CUL3: variants seen among roughly 807,000 people sequenced by gnomAD.
CUL3 encodes cullin 3.
A neutral mutation model predicts 89.1 loss-of-function variants in CUL3; 19 were observed. That is an observed-to-expected ratio of 0.21 (90% CI 0.15 to 0.31). The LOEUF is 0.31. CUL3 is among the 10% of genes least tolerant of loss of function. The pLI is 1.00. For missense variants in CUL3, 469 were observed against 942.3 expected, an observed-to-expected ratio of 0.50 and a Z score of 6.58; for synonymous variants, 351 against 308.4, an observed-to-expected ratio of 1.14 and a Z score of -1.45.
intron 2 of CUL3, among the ~76,000 whole-genome samples, chr2:224,546,875 AT>A (rs1339390944): frequency 1.3e-5 from 2 of 151,920 alleles, no homozygotes; most frequent in African/African-American, 4.8e-5. Flanking sequence ...CTCTCTAATA[AT>A]CCCTTTTCCA....
intron 1 of CUL3, among the ~76,000 whole-genome samples, chr2:224,572,734 CAG>C (rs762175062): frequency 6.6e-6 from 1 of 151,268 alleles, no homozygotes; most frequent in African/African-American, 2.4e-5. Context: ...AGGAGGCTGA[CAG>C]AGAGTTTATT....
chr2:224,510,907 A>G (rs894372995), intron 6 of CUL3, among the ~76,000 whole-genome samples: 2 of 152,174 alleles, frequency 1.3e-5, no homozygotes, highest in Admixed American at 6.5e-5. Context: ...ATATTTTTGC[A>G]TTTTCAGCAC....
intron 13 of CUL3, among the ~76,000 whole-genome samples, chr2:224,491,179 T>C (rs1691962036): frequency 6.6e-6 from 1 of 152,220 alleles, no homozygotes; most frequent in South Asian, 2.1e-4. Context: ...ATATATATTT[T>C]GGACATTTCA....
At chr2:224,539,761 G>C (rs1441305460) in intron 2 of CUL3, among the ~76,000 whole-genome samples, 1 of 149,836 alleles carries the variant, frequency 6.7e-6, no homozygotes, top group African/African-American at 2.5e-5. Flanking sequence ...CAAAACTAAA[G>C]AGAGAGCAAA....
intron 13 of CUL3, 188 bp downstream of exon 13, chr2:224,495,644 G>T: frequency 2.3e-6 from 1 of 438,538 alleles, no homozygotes; most frequent in Non-Finnish European, 4.0e-6. Context: ...CTTCTATAAA[G>T]TTAATTTAAA....
chr2:224,498,008 T>TTTCTATAGGCAAGACCTTGAGAGAGTCC (rs1162367615), intron 11 of CUL3, among the ~76,000 whole-genome samples, 159 bp from the exon 12 acceptor site: 2 of 152,182 alleles, frequency 1.3e-5, no homozygotes, highest in Non-Finnish European at 2.9e-5. Flanking sequence ...CAGTTTCAAC[T>TTTCTATAGGCAAGACCTTGAGAGAGTCC]TTCTATAGGC....
At chr2:224,478,021 T>C (rs572493986) in intron 15 of CUL3, among the ~76,000 whole-genome samples, 179 bp downstream of exon 15, 2 of 152,346 alleles carry the variant, frequency 1.3e-5, no homozygotes, top group East Asian at 3.9e-4. Flanking sequence ...TCCGAGAGTG[T>C]GCACATATTT....
intron 1 of CUL3, among the ~76,000 whole-genome samples, chr2:224,576,626 G>A (rs1464781522): frequency 1.5e-5 from 2 of 135,876 alleles, no homozygotes; most frequent in African/African-American, 2.7e-5. Context: ...GGTTCAAAAC[G>A]ATGTCTGGCA....
chr2:224,479,613 T>C (rs917323156), intron 14 of CUL3: 8 of 152,136 alleles, frequency 5.3e-5, no homozygotes, highest in Non-Finnish European at 1.0e-4. Flanking sequence ...TTCTTGGATA[T>C]GATATAGGAG....
chr2:224,522,663 T>C (rs1693311394), intron 3 of CUL3, among the ~76,000 whole-genome samples: 1 of 151,790 alleles, frequency 6.6e-6, no homozygotes, highest in Non-Finnish European at 1.5e-5. Flanking sequence ...CCATCTCTAC[T>C]AAAAAATACA....
chr2:224,558,313 G>A (rs1179862991), intron 1 of CUL3, among the ~76,000 whole-genome samples: 3 of 152,004 alleles, frequency 2.0e-5, no homozygotes, highest in Non-Finnish European at 4.4e-5. Context: ...AACCACTAAC[G>A]TTAAGTGCAG....
chr2:224,506,482 C>G (rs1692606015), intron 7 of CUL3, among the ~76,000 whole-genome samples: 1 of 152,094 alleles, frequency 6.6e-6, no homozygotes. Context: ...AAACATGGCA[C>G]ATAATTTATT....
At chr2:224,489,981 C>A (rs1043718071) in intron 13 of CUL3, among the ~76,000 whole-genome samples, 1 of 152,166 alleles carries the variant, frequency 6.6e-6, no homozygotes, top group Non-Finnish European at 1.5e-5. Flanking sequence ...TATCCAGAAT[C>A]TACAAGGAAC....
Position 224,585,327 on chromosome 2 carries a change from G to T in CUL3, c.-318C>A, listed in dbSNP as rs879069469. ...CGCGATGGCGGCGGCGGCGGCGACG[G>T]ACAAACATCTCACTGCGCAGGCCGA... On this transcript the variant is annotated 5_prime_UTR_variant, in exon 1 of 16. Transcript: ENST00000264414. 3 of 402,390 alleles carry T rather than the reference G, an allele frequency of 7.5e-6. No individual in the cohort carries two copies. Among genetic ancestry groups the T allele is most frequent in the Non-Finnish European group, 1.3e-5 (3 of 229,550 alleles). The allele number at this position is 402,390 out of a possible 1,614,324, so 24.9% of individuals were successfully genotyped here. A position where few individuals can be genotyped will look rare whatever the true frequency, so the allele number is the denominator to read the frequency against.
At chr2:224,577,538 C>A (rs1695330434) in intron 1 of CUL3, among the ~76,000 whole-genome samples, 1 of 149,824 alleles carries the variant, frequency 6.7e-6, no homozygotes, top group African/African-American at 2.5e-5. Context: ...CACTGCACTC[C>A]AGCCTGGGTG....
At chr2:224,517,578 C>G (rs112292051) in intron 3 of CUL3, among the ~76,000 whole-genome samples, 6 of 152,270 alleles carry the variant, frequency 3.9e-5, no homozygotes, top group African/African-American at 9.6e-5. Flanking sequence ...GAGGCTGAGG[C>G]AGAACAATCA....
At chr2:224,564,668 G>T (rs1190176548) in intron 1 of CUL3, among the ~76,000 whole-genome samples, 1 of 152,066 alleles carries the variant, frequency 6.6e-6, no homozygotes, top group Non-Finnish European at 1.5e-5. Flanking sequence ...CCTGTGGATG[G>T]GGTGGGGACT....
intron 3 of CUL3, among the ~76,000 whole-genome samples, chr2:224,519,247 TAA>T (rs1041934531): frequency 6.6e-6 from 1 of 152,228 alleles, no homozygotes; most frequent in African/African-American, 2.4e-5. Context: ...AAGGTGTATA[TAA>T]AACATAAATG....
intron 1 of CUL3, among the ~76,000 whole-genome samples, chr2:224,561,209 A>C (rs922766063): frequency 6.6e-6 from 1 of 152,164 alleles, no homozygotes. Context: ...TCAGCCTCTA[A>C]AACAGTATAT....
Sources: allele counts gnomAD v4.1 joint callset (sites outside exome capture counted in the v4.1 genomes callset), GRCh38; gene constraint gnomAD v4.1.1; transcripts MANE v1.5; gene names NCBI Gene and HGNC (gene_info 2026-07-23, HGNC 2026-07-21).